SGCZ: variants seen among roughly 807,000 people sequenced by gnomAD.
SGCZ encodes the protein zeta-sarcoglycan.
Under a neutral mutation model 41.3 loss-of-function variants are expected in SGCZ, and 40 were observed. That is an observed-to-expected ratio of 0.97 (90% CI 0.75 to 1.26). The LOEUF (loss-of-function observed/expected upper bound fraction) is 1.26. SGCZ is among the 50% of genes most tolerant of loss of function. The pLI, the probability that SGCZ is intolerant of heterozygous loss-of-function variation, is 0.00. For missense variants in SGCZ, 552 were observed against 369.8 expected, an observed-to-expected ratio of 1.49 and a Z score of -4.04; for synonymous variants, 206 against 137.5, an observed-to-expected ratio of 1.50 and a Z score of -3.49.
At chr8:14,830,848 T>G (rs1802501554) in intron 1 of SGCZ, among the ~76,000 whole-genome samples, 1 of 152,164 alleles carries the variant, frequency 6.6e-6, no homozygotes, top group Admixed American at 6.5e-5. Flanking sequence ...TTCTCATTTT[T>G]TAAAAAAAGT....
chr8:14,260,493 T>C (rs1166171956), intron 3 of SGCZ, among the ~76,000 whole-genome samples: 1 of 146,480 alleles, frequency 6.8e-6, no homozygotes, highest in African/African-American at 2.5e-5. Flanking sequence ...TTTTACACTG[T>C]TGGCGGGACT....
chr8:14,441,414 A>C (rs1439960497), intron 2 of SGCZ, among the ~76,000 whole-genome samples: 1 of 152,088 alleles, frequency 6.6e-6, no homozygotes, highest in Non-Finnish European at 1.5e-5. Flanking sequence ...GTCTCTACTG[A>C]AAATACAAAA....
intron 1 of SGCZ, among the ~76,000 whole-genome samples, chr8:14,663,113 G>A (rs142813947): frequency 5.3e-5 from 8 of 152,230 alleles, no homozygotes; most frequent in African/African-American, 1.9e-4. Context: ...TATAACATTG[G>A]TGTCTTTTAA....
chr8:14,581,396 G>A (rs1490626199), intron 1 of SGCZ, among the ~76,000 whole-genome samples: 1 of 151,906 alleles, frequency 6.6e-6, no homozygotes, highest in African/African-American at 2.4e-5. Flanking sequence ...CATGAGCCAT[G>A]AGCCACTGCG....
intron 4 of SGCZ, among the ~76,000 whole-genome samples, chr8:14,173,306 T>G (rs747066649): frequency 1.7e-4 from 26 of 152,072 alleles, no homozygotes; most frequent in South Asian, 8.3e-4. Context: ...ATGCTAGAGT[T>G]AGCAAAGATA....
At chr8:14,668,969 G>A (rs1049936319) in intron 1 of SGCZ, among the ~76,000 whole-genome samples, 12 of 151,768 alleles carry the variant, frequency 7.9e-5, no homozygotes, top group African/African-American at 2.7e-4. Flanking sequence ...GAACATGTAA[G>A]TTCTACTCTC....
In SGCZ at chr8:14,127,678, G is replaced by A. The variant is rs561890621; in HGVS notation, c.548-19443C>T. 3.3e-5 allele frequency among the ~76,000 whole-genome samples: 5 copies of A among 152,200 alleles called. No homozygotes were observed. The South Asian group carries it at 1.0e-3, about 32-fold the overall frequency. On this transcript the variant is annotated intron_variant, in intron 5 of 7. Transcript: ENST00000382080. ...TCACCGTGTTAGCCAGGATGGACTT[G>A]ATCTCCTGATCTTGTGCTCCACACG...
chr8:14,718,473 G>C (rs919900836), intron 1 of SGCZ, among the ~76,000 whole-genome samples: 1 of 151,984 alleles, frequency 6.6e-6, no homozygotes, highest in Non-Finnish European at 1.5e-5. Context: ...TATCAACTAA[G>C]TAAACGTCCC....
At chr8:14,989,834 A>C (rs531686902) in intron 1 of SGCZ, among the ~76,000 whole-genome samples, 1 of 152,198 alleles carries the variant, frequency 6.6e-6, no homozygotes, top group Non-Finnish European at 1.5e-5. Context: ...CATTACAGAC[A>C]TAAGTAGGAA....
rs527647861 is a variant in SGCZ at position 14,972,126 on chromosome 8, G to A, written c.39+265459C>T. ...CTTTGGTATTATTTCTTCCTTAAAT[G>A]TTTGATAGAACTCTTCAGTAAATGA... On this transcript the variant is annotated intron_variant, in intron 1 of 7. Transcript: ENST00000382080. Among the ~76,000 whole-genome samples the A allele has an allele frequency of 5.3e-5, 8 of 152,060 alleles. No individual in the cohort carries two copies. In the East Asian group the frequency reaches 9.7e-4, roughly 18 times the overall value.
At chr8:14,366,760 G>A (rs563946578) in intron 2 of SGCZ, among the ~76,000 whole-genome samples, 2 of 152,194 alleles carry the variant, frequency 1.3e-5, no homozygotes, top group African/African-American at 4.8e-5. Context: ...GTAAAGACAA[G>A]GCAAGTCCCT....
intron 1 of SGCZ, among the ~76,000 whole-genome samples, chr8:14,841,996 G>A (rs1309760293): frequency 4.6e-5 from 7 of 152,220 alleles, no homozygotes; most frequent in Non-Finnish European, 5.9e-5. Context: ...GTATAAGTAT[G>A]TGTGGACTTC....
intron 1 of SGCZ, among the ~76,000 whole-genome samples, chr8:14,944,973 G>A (rs937464866): frequency 6.6e-6 from 1 of 152,144 alleles, no homozygotes; most frequent in Non-Finnish European, 1.5e-5. Context: ...CCTGCAGTAT[G>A]TGCCATCATA....
At chr8:14,552,495 T>A (rs549938896) in intron 2 of SGCZ, among the ~76,000 whole-genome samples, 1 of 152,002 alleles carries the variant, frequency 6.6e-6, no homozygotes, top group Non-Finnish European at 1.5e-5. Flanking sequence ...CAAAACATAA[T>A]TTTTTAAAAG....
intron 1 of SGCZ, among the ~76,000 whole-genome samples, chr8:14,564,580 A>C (rs887596028): frequency 6.6e-6 from 1 of 152,224 alleles, no homozygotes; most frequent in Non-Finnish European, 1.5e-5. Flanking sequence ...CATTTTAACT[A>C]GTAAAAGTAC....
intron 2 of SGCZ, among the ~76,000 whole-genome samples, chr8:14,504,905 A>T (rs376051144): frequency 2.6e-4 from 40 of 152,286 alleles, no homozygotes; most frequent in South Asian, 1.9e-3. Flanking sequence ...ATTCTTTGTT[A>T]TCAACATCTA....
chr8:15,181,147 A>G (rs1800163592), intron 1 of SGCZ, among the ~76,000 whole-genome samples: 1 of 152,220 alleles, frequency 6.6e-6, no homozygotes, highest in African/African-American at 2.4e-5. Flanking sequence ...TTTTATTTCA[A>G]TACAAAATGC....
At chr8:14,993,202 A>G (rs1418995666) in intron 1 of SGCZ, among the ~76,000 whole-genome samples, 1 of 152,186 alleles carries the variant, frequency 6.6e-6, no homozygotes, top group East Asian at 1.9e-4. Flanking sequence ...ACTCACGAAG[A>G]GTAACCTTTG....
intron 2 of SGCZ, among the ~76,000 whole-genome samples, chr8:14,344,785 T>C (rs1357182903): frequency 2.6e-5 from 4 of 152,004 alleles, no homozygotes; most frequent in South Asian, 2.1e-4. Flanking sequence ...CAAATGAAAA[T>C]ATAAACCACG....
Sources: gnomAD v4.1 joint callset for allele counts (sites outside exome capture counted in the v4.1 genomes callset) on GRCh38, gnomAD v4.1.1 for gene constraint, MANE v1.5 for transcripts, NCBI Gene and HGNC (gene_info 2026-07-23, HGNC 2026-07-21) for gene names.